The following ELF2 variants were observed in gnomAD, a reference collection of about 807,000 sequenced individuals.
ELF2 encodes the protein ETS-related transcription factor Elf-2.
Under a neutral mutation model 54.8 loss-of-function variants are expected in ELF2, and 11 were observed. The ratio of observed to expected loss-of-function variants is 0.20; its 90% confidence interval spans 0.13 to 0.33. The LOEUF (loss-of-function observed/expected upper bound fraction) is 0.33, where lower values mean the gene tolerates loss of function less well. Ranked by LOEUF, ELF2 falls within the 10% of genes least tolerant of loss-of-function variation. The pLI, the probability that ELF2 is intolerant of heterozygous loss-of-function variation, is 1.00. For missense variants in ELF2, 513 were observed against 703.0 expected (o/e 0.73, Z 3.06); for synonymous variants, 203 against 245.1 (o/e 0.83, Z 1.61).
intron 1 of ELF2, among the ~76,000 whole-genome samples, chr4:139,159,009 G>A (rs868315037): frequency 6.6e-6 from 1 of 152,150 alleles, no homozygotes; most frequent in Admixed American, 6.5e-5. Context: ...AGGCCGGTCC[G>A]TTATCGGACT....
intron 4 of ELF2, among the ~76,000 whole-genome samples, chr4:139,081,836 G>A (rs1422824194): frequency 3.9e-5 from 6 of 152,144 alleles, no homozygotes; most frequent in Admixed American, 3.9e-4. Context: ...AGGCTTGTAA[G>A]GGAGCTTCAG....
At chr4:139,136,297 A>C (rs1231272187) in intron 3 of ELF2, among the ~76,000 whole-genome samples, 1 of 152,342 alleles carries the variant, frequency 6.6e-6, no homozygotes, top group South Asian at 2.1e-4. Context: ...AATACAAAAG[A>C]AACACTTAAG....
At chr4:139,084,007 G>GC (rs1392368453) in intron 4 of ELF2, 2 of 1,468,284 alleles carry the variant, frequency 1.4e-6, no homozygotes, top group Admixed American at 3.8e-5. Flanking sequence ...TCCCCCAGCC[G>GC]CCCCAGTGAC....
intron 4 of ELF2, among the ~76,000 whole-genome samples, chr4:139,093,882 T>C (rs1239711655): frequency 6.7e-6 from 1 of 149,656 alleles, no homozygotes; most frequent in Non-Finnish European, 1.5e-5. Flanking sequence ...AATACTGGAG[T>C]TCTTGACTAA....
chr4:139,084,243 C>T, intron 4 of ELF2: 1 of 1,609,894 alleles, frequency 6.2e-7, no homozygotes. Context: ...CCGTGAGCAG[C>T]GGCGGCAGGG....
At chr4:139,129,757 C>T (rs1191827189) in intron 3 of ELF2, among the ~76,000 whole-genome samples, 1 of 152,190 alleles carries the variant, frequency 6.6e-6, no homozygotes, top group Non-Finnish European at 1.5e-5. Context: ...TTCAAATCTA[C>T]TATTTGCCCT....
intron 3 of ELF2, among the ~76,000 whole-genome samples, chr4:139,127,570 A>G (rs1405503970): frequency 2.0e-5 from 3 of 152,090 alleles, no homozygotes; most frequent in Admixed American, 1.3e-4. Flanking sequence ...AAAGTAAAGA[A>G]ATTATAATAC....
intron 1 of ELF2, among the ~76,000 whole-genome samples, chr4:139,160,648 A>G (rs1257126094): frequency 1.3e-5 from 2 of 152,132 alleles, no homozygotes; most frequent in Non-Finnish European, 2.9e-5. Flanking sequence ...CACTCACAAA[A>G]TATACGGGAG....
intron 1 of ELF2, among the ~76,000 whole-genome samples, chr4:139,151,083 A>AGAGG (rs1739933758): frequency 7.2e-6 from 1 of 139,236 alleles, no homozygotes; most frequent in Non-Finnish European, 1.6e-5. Context: ...AAAGAAAGAA[A>AGAGG]GAAAGAAAGA....
intron 4 of ELF2, among the ~76,000 whole-genome samples, chr4:139,119,862 C>A (rs186255090): frequency 2.6e-5 from 4 of 152,212 alleles, no homozygotes; most frequent in Non-Finnish European, 5.9e-5. Flanking sequence ...GCAACCTCCA[C>A]CTCCCGGTTC....
At chr4:139,164,147 GAA>G (rs1195721546) in intron 1 of ELF2, among the ~76,000 whole-genome samples, 12 of 142,018 alleles carry the variant, frequency 8.4e-5, no homozygotes, top group African/African-American at 2.9e-4. Context: ...AGAAGAGAGA[GAA>G]AGAAAGAAAG....
chr4:139,128,115 A>T (rs2148841799), intron 3 of ELF2, among the ~76,000 whole-genome samples: 1 of 152,016 alleles, frequency 6.6e-6, no homozygotes, highest in East Asian at 1.9e-4. Flanking sequence ...AGAAAAAATA[A>T]AAAATAAATA....
At chr4:139,151,034 A>AAGAAAG (rs1430828194) in intron 1 of ELF2, among the ~76,000 whole-genome samples, 1 of 42,480 alleles carries the variant, frequency 2.4e-5, no homozygotes, top group Non-Finnish European at 6.0e-5. Context: ...AAAAAAAAAA[A>AAGAAAG]AGAAAGAAAG....
At chr4:139,071,130 G>A (rs1275235643) in intron 6 of ELF2, among the ~76,000 whole-genome samples, 1 of 152,052 alleles carries the variant, frequency 6.6e-6, no homozygotes, top group Non-Finnish European at 1.5e-5. Context: ...AATAGTAAGT[G>A]GAAATGCTCT....
chr4:139,084,364 AGGCC>A (rs979297713), intron 4 of ELF2: 194 of 1,478,756 alleles, frequency 1.3e-4, no homozygotes, highest in Non-Finnish European at 1.7e-4. Flanking sequence ...CAGGAAGCCG[AGGCC>A]GGCCCGCCTC....
chr4:139,141,686 G>C (rs1324082311), intron 1 of ELF2, among the ~76,000 whole-genome samples: 4 of 152,180 alleles, frequency 2.6e-5, no homozygotes, highest in Non-Finnish European at 4.4e-5. Context: ...GCCATATGAG[G>C]ACCTTTAAAG....
chr4:139,082,950 C>T (rs996010749), intron 4 of ELF2, among the ~76,000 whole-genome samples: 1 of 152,228 alleles, frequency 6.6e-6, no homozygotes, highest in Non-Finnish European at 1.5e-5. Flanking sequence ...GCCGCACATC[C>T]CCCACCCCTG....
chr4:139,159,036 G>C (rs1021408560), intron 1 of ELF2, among the ~76,000 whole-genome samples: 4 of 152,132 alleles, frequency 2.6e-5, no homozygotes, highest in Admixed American at 2.6e-4. Context: ...AGGTGGGAAG[G>C]CCAAACCGAG....
Position 139,150,197 on chromosome 4 carries a change from C to A in ELF2, c.-251-10700G>T, listed in dbSNP as rs539234163. Among the ~76,000 whole-genome samples, 15 of 152,070 alleles carry A rather than the reference C, an allele frequency of 9.9e-5. No homozygotes were observed. In the South Asian group the frequency reaches 1.0e-3, roughly 11 times the overall value. ...AAATACTAATAAAAATACAAAATGT[C>A]TCTACTAAAAATACAAAAAATTAGC... On this transcript the variant is annotated intron_variant, in intron 1 of 9. Coordinates refer to ENST00000686138, the MANE Select transcript of ELF2 (RefSeq NM_001331036.3).
Sources: allele counts gnomAD v4.1 joint callset (sites outside exome capture counted in the v4.1 genomes callset), GRCh38; gene constraint gnomAD v4.1.1; transcripts MANE v1.5; gene names NCBI Gene and HGNC (gene_info 2026-07-23, HGNC 2026-07-21).